The following NEGR1 variants were observed in gnomAD, a reference collection of about 807,000 sequenced individuals.
The protein encoded by NEGR1 is IgLON family member 4.
A neutral mutation model predicts 40.9 loss-of-function variants in NEGR1; 10 were observed. The ratio of observed to expected loss-of-function variants is 0.24; its 90% CI spans 0.15 to 0.42. NEGR1 has a LOEUF of 0.42. Among genes scored for constraint, NEGR1 ranks in the 10% least tolerant of loss-of-function variants. The pLI is 1.00. For missense variants in NEGR1, 352 were observed against 438.9 expected, an observed-to-expected ratio of 0.80 and a Z score of 1.77; for synonymous variants, 185 against 166.8, an observed-to-expected ratio of 1.11 and a Z score of -0.84.
intron 1 of NEGR1, among the ~76,000 whole-genome samples, chr1:72,224,142 C>G (rs1023560772): frequency 2.0e-5 from 3 of 152,034 alleles, no homozygotes; most frequent in Non-Finnish European, 4.4e-5. Flanking sequence ...AAAATGACTA[C>G]AGAAGTGCCT....
chr1:71,902,880 A>T (rs1004919139), intron 2 of NEGR1, among the ~76,000 whole-genome samples: 1 of 152,198 alleles, frequency 6.6e-6, no homozygotes. Flanking sequence ...AATTATAAAA[A>T]GTTTTTACTT....
At chr1:71,974,848 T>G (rs1053236164) in intron 1 of NEGR1, among the ~76,000 whole-genome samples, 4 of 152,160 alleles carry the variant, frequency 2.6e-5, no homozygotes, top group African/African-American at 9.7e-5. Context: ...ACATTATCTT[T>G]ATTCAGTTTC....
chr1:71,430,840 A>C (rs1319692700), intron 6 of NEGR1, among the ~76,000 whole-genome samples: 1 of 151,016 alleles, frequency 6.6e-6, no homozygotes, highest in Non-Finnish European at 1.5e-5. Flanking sequence ...GCTCACTGCA[A>C]GCTCCGTCTC....
chr1:71,583,059 T>C (rs1485815484), intron 6 of NEGR1, among the ~76,000 whole-genome samples: 1 of 151,880 alleles, frequency 6.6e-6, no homozygotes, highest in Non-Finnish European at 1.5e-5. Context: ...TTGGTGATGA[T>C]TAAGTCCTGG....
chr1:71,554,417 T>A (rs1325027453), intron 6 of NEGR1, among the ~76,000 whole-genome samples: 4 of 151,490 alleles, frequency 2.6e-5, no homozygotes, highest in African/African-American at 9.7e-5. Context: ...AGGGGCCAAT[T>A]AGTTACCTAT....
intron 2 of NEGR1, among the ~76,000 whole-genome samples, chr1:71,780,396 G>T (rs1656673666): frequency 6.6e-6 from 1 of 152,070 alleles, no homozygotes; most frequent in Non-Finnish European, 1.5e-5. Context: ...ACCATAAAAA[G>T]ACAATGAAAA....
chr1:71,464,792 A>G (rs1310714231), intron 6 of NEGR1, among the ~76,000 whole-genome samples: 5 of 152,120 alleles, frequency 3.3e-5, no homozygotes, highest in African/African-American at 9.7e-5. Flanking sequence ...AGACAGAGCA[A>G]TTCACACGGT....
chr1:72,133,743 A>G (rs1211224201), intron 1 of NEGR1, among the ~76,000 whole-genome samples: 1 of 151,666 alleles, frequency 6.6e-6, no homozygotes, highest in East Asian at 1.9e-4. Context: ...GAATGTCATC[A>G]GCTTAAACTT....
rs558360747 is a variant in NEGR1, at chr1:72,278,247, G to T, written c.176+4072C>A. Among the ~76,000 whole-genome samples, 7 of 152,190 alleles carry T rather than the reference G, an allele frequency of 4.6e-5. No homozygotes were observed. The South Asian group carries it at 1.5e-3, about 32-fold the overall frequency. On this transcript the variant is annotated intron_variant, in intron 1 of 6. Coordinates refer to ENST00000357731, the MANE Select transcript of NEGR1 (RefSeq NM_173808.3). ...AAAGAAGATATCACAATTAAGGAAA[G>T]AATCTTTCTTCCTTTCTTCGATTAA...
At chr1:71,511,399 T>C (rs1647072405) in intron 6 of NEGR1, among the ~76,000 whole-genome samples, 1 of 152,228 alleles carries the variant, frequency 6.6e-6, no homozygotes, top group Non-Finnish European at 1.5e-5. Context: ...AACCATTTTC[T>C]TTCAAAATAT....
At chr1:72,128,961 T>G (rs1188442989) in intron 1 of NEGR1, among the ~76,000 whole-genome samples, 4 of 152,094 alleles carry the variant, frequency 2.6e-5, no homozygotes, top group Non-Finnish European at 2.9e-5. Flanking sequence ...CCTCATGACT[T>G]CAGATTCAGA....
chr1:72,107,090 A>G (rs1378759156), intron 1 of NEGR1, among the ~76,000 whole-genome samples: 1 of 151,814 alleles, frequency 6.6e-6, no homozygotes, highest in Non-Finnish European at 1.5e-5. Context: ...TTAGGGTGAG[A>G]AATAATCACA....
At chr1:71,542,191 G>T (rs1025071294) in intron 6 of NEGR1, among the ~76,000 whole-genome samples, 3 of 151,672 alleles carry the variant, frequency 2.0e-5, no homozygotes, top group Non-Finnish European at 4.4e-5. Flanking sequence ...TAAGTCCAAG[G>T]TGCTTCAGAA....
chr1:71,839,860 C>CA (rs1659175221), intron 2 of NEGR1, among the ~76,000 whole-genome samples: 1 of 152,090 alleles, frequency 6.6e-6, no homozygotes, highest in African/African-American at 2.4e-5. Flanking sequence ...TTCACATTGT[C>CA]ATTCTTTGAA....
At chr1:72,267,684 GAATT>G (rs1183312756) in intron 1 of NEGR1, among the ~76,000 whole-genome samples, 1 of 151,108 alleles carries the variant, frequency 6.6e-6, no homozygotes, top group Non-Finnish European at 1.5e-5. Context: ...TTTCAATGAA[GAATT>G]ATTTGCAAAA....
intron 2 of NEGR1, among the ~76,000 whole-genome samples, chr1:71,923,939 C>T (rs988604583): frequency 6.6e-6 from 1 of 150,966 alleles, no homozygotes; most frequent in Non-Finnish European, 1.5e-5. Context: ...GGCAGGGTCT[C>T]GTTCTGTCAC....
chr1:72,133,680 A>G (rs1650340607), intron 1 of NEGR1, among the ~76,000 whole-genome samples: 1 of 151,822 alleles, frequency 6.6e-6, no homozygotes, highest in African/African-American at 2.4e-5. Flanking sequence ...ATTTTTAGGT[A>G]AAAACTGAAA....
chr1:71,598,756 T>A (rs747142779), intron 5 of NEGR1, among the ~76,000 whole-genome samples: 2 of 152,216 alleles, frequency 1.3e-5, no homozygotes, highest in Admixed American at 6.5e-5. Flanking sequence ...TTTAGAGTAA[T>A]CCTAAAATTC....
intron 6 of NEGR1, among the ~76,000 whole-genome samples, chr1:71,505,287 CT>C (rs550211034): frequency 2.0e-5 from 3 of 150,810 alleles, no homozygotes; most frequent in African/African-American, 4.9e-5. Flanking sequence ...GTTTCTTTTT[CT>C]TTTTTTTTCT....
Sources: allele counts gnomAD v4.1 joint callset (sites outside exome capture counted in the v4.1 genomes callset), GRCh38; gene constraint gnomAD v4.1.1; transcripts MANE v1.5; gene names NCBI Gene and HGNC (gene_info 2026-07-23, HGNC 2026-07-21).